ASTN2: variants seen among roughly 807,000 people sequenced by gnomAD.
The protein encoded by ASTN2 is astrotactin-2.
In ASTN2, 54 loss-of-function variants were observed where a neutral mutation model predicts 139.8. The ratio of observed to expected loss-of-function variants is 0.39; its 90% CI spans 0.31 to 0.48. The LOEUF (loss-of-function observed/expected upper bound fraction) is 0.48, where lower values mean the gene tolerates loss of function less well. Among genes scored for constraint, ASTN2 ranks in the 20% least tolerant of loss-of-function variants. The pLI is 0.95. For missense variants in ASTN2, 1,565 were observed against 1,725.1 expected (o/e 0.91, Z 1.64); for synonymous variants, 756 against 719.5 (o/e 1.05, Z -0.81).
chr9:117,044,468 C>A lies in ASTN2; in HGVS notation c.1277-4503G>T, dbSNP rs1012183920. On this transcript the variant is annotated intron_variant, in intron 5 of 22. Transcript: ENST00000313400. ...CCATGGCAACCGGACCTGGCAGAAA[C>A]TTCACAGTGGGACTCAAATCAAGGT... is the stretch of plus-strand genomic sequence containing the variant. Among the ~76,000 whole-genome samples, 17 of 152,278 alleles carry A rather than the reference C, an allele frequency of 1.1e-4. No individual in the cohort carries two copies. The East Asian group carries it at 3.3e-3, about 29-fold the overall frequency.
chr9:116,887,947 C>T (rs547550638), intron 10 of ASTN2, among the ~76,000 whole-genome samples: 2 of 152,268 alleles, frequency 1.3e-5, no homozygotes, highest in African/African-American at 2.4e-5. Context: ...GGATAACAGG[C>T]GTGAGCCACT....
intron 19 of ASTN2, among the ~76,000 whole-genome samples, chr9:116,592,304 A>G (rs560128991): frequency 1.3e-5 from 2 of 152,298 alleles, no homozygotes; most frequent in East Asian, 3.9e-4. Flanking sequence ...CAGGAAACTT[A>G]CAATCATGGG....
intron 1 of ASTN2, among the ~76,000 whole-genome samples, chr9:117,389,092 T>TAC (rs1410884598): frequency 6.6e-6 from 1 of 152,232 alleles, no homozygotes; most frequent in East Asian, 1.9e-4. Flanking sequence ...ATTTGCAATA[T>TAC]ACCCTGCTTC....
chr9:116,799,709 G>GGC (rs1554748057), intron 13 of ASTN2, among the ~76,000 whole-genome samples: 1 of 136,550 alleles, frequency 7.3e-6, no homozygotes, highest in Admixed American at 7.0e-5. Flanking sequence ...AAGAGAGTGG[G>GGC]GGGGGGGAGA....
chr9:116,642,725 G>A (rs1004155154), intron 17 of ASTN2, among the ~76,000 whole-genome samples: 1 of 152,132 alleles, frequency 6.6e-6, no homozygotes, highest in Admixed American at 6.6e-5. Flanking sequence ...AACAACCCTT[G>A]CCATAAAATC....
intron 17 of ASTN2, among the ~76,000 whole-genome samples, chr9:116,630,714 T>G (rs1856704781): frequency 6.6e-6 from 1 of 152,008 alleles, no homozygotes; most frequent in Non-Finnish European, 1.5e-5. Flanking sequence ...TAGGATTACA[T>G]CAAATTAAAA....
chr9:116,664,574 T>C (rs866023342), intron 16 of ASTN2, among the ~76,000 whole-genome samples: 1 of 151,494 alleles, frequency 6.6e-6, no homozygotes, highest in Non-Finnish European at 1.5e-5. Context: ...CTGCAGTATA[T>C]CTTCATTTAT....
intron 3 of ASTN2, among the ~76,000 whole-genome samples, chr9:117,196,828 C>T (rs1831520268): frequency 6.6e-6 from 1 of 151,884 alleles, no homozygotes; most frequent in African/African-American, 2.4e-5. Context: ...CCAGAAGCAC[C>T]CACTATAATA....
chr9:116,462,374 C>T (rs953388204), intron 20 of ASTN2, among the ~76,000 whole-genome samples: 4 of 152,198 alleles, frequency 2.6e-5, no homozygotes, highest in Non-Finnish European at 5.9e-5. Flanking sequence ...GATTCAAACC[C>T]AAACAGCTTG....
intron 10 of ASTN2, among the ~76,000 whole-genome samples, chr9:116,966,210 T>C (rs956291121): frequency 6.6e-5 from 10 of 152,260 alleles, no homozygotes; most frequent in African/African-American, 2.2e-4. Context: ...TTTCACTGTA[T>C]CTGCAAAGCT....
At chr9:116,658,733 CTTTTTTTTTTTT>C (rs71502074) in intron 16 of ASTN2, among the ~76,000 whole-genome samples, 63 of 101,114 alleles carry the variant, frequency 6.2e-4, no homozygotes, top group African/African-American at 1.8e-3. Flanking sequence ...GACCACCGCT[CTTTTTTTTTTTT>C]TTTTTTTTTT....
At chr9:117,264,158 A>G (rs1308161569) in intron 2 of ASTN2, among the ~76,000 whole-genome samples, 7 of 152,322 alleles carry the variant, frequency 4.6e-5, no homozygotes, top group African/African-American at 1.7e-4. Context: ...TTTCTTGTCC[A>G]GTAAAATCTA....
intron 5 of ASTN2, among the ~76,000 whole-genome samples, chr9:117,086,506 G>A (rs924201074): frequency 9.7e-4 from 148 of 152,108 alleles, no homozygotes; most frequent in African/African-American, 3.4e-3. Flanking sequence ...CACAGGAGGT[G>A]GAGGTTGCAG....
chr9:116,654,730 CTTATG>C (rs888877140), intron 16 of ASTN2, among the ~76,000 whole-genome samples: 2 of 152,194 alleles, frequency 1.3e-5, no homozygotes, highest in African/African-American at 2.4e-5. Context: ...AAACGACTAT[CTTATG>C]TTATCTCATA....
chr9:116,553,104 C>T (rs1411798266), intron 19 of ASTN2, among the ~76,000 whole-genome samples: 1 of 152,030 alleles, frequency 6.6e-6, no homozygotes, highest in African/African-American at 2.4e-5. Context: ...AAAATCTCCT[C>T]CTTAAGAGCA....
At chr9:117,227,337 A>G (rs1422171750) in intron 2 of ASTN2, among the ~76,000 whole-genome samples, 1 of 152,174 alleles carries the variant, frequency 6.6e-6, no homozygotes, top group African/African-American at 2.4e-5. Flanking sequence ...CATGGCCTTA[A>G]TAGAATGGAG....
intron 5 of ASTN2, among the ~76,000 whole-genome samples, chr9:117,071,674 G>C (rs1343133367): frequency 2.0e-5 from 3 of 148,990 alleles, no homozygotes; most frequent in Admixed American, 6.6e-5. Flanking sequence ...TTCCGTGGGC[G>C]TAGGACCCTC....
At chr9:117,032,639 C>T (rs1019819271) in intron 6 of ASTN2, among the ~76,000 whole-genome samples, 1 of 152,102 alleles carries the variant, frequency 6.6e-6, no homozygotes, top group Non-Finnish European at 1.5e-5. Flanking sequence ...AATTATGGAC[C>T]TCTTTCCTCT....
At chr9:116,934,914 C>G (rs1835023546) in intron 10 of ASTN2, among the ~76,000 whole-genome samples, 1 of 152,128 alleles carries the variant, frequency 6.6e-6, no homozygotes, top group Admixed American at 6.6e-5. Context: ...GTTTGGTTGC[C>G]TAGAGTCAGG....
Sources: gnomAD v4.1 joint callset for allele counts (sites outside exome capture counted in the v4.1 genomes callset) on GRCh38, gnomAD v4.1.1 for gene constraint, MANE v1.5 for transcripts, NCBI Gene and HGNC (gene_info 2026-07-23, HGNC 2026-07-21) for gene names.